Variants in PRMT8 observed in about 807,000 individuals in gnomAD.
PRMT8 encodes the protein protein arginine N-methyltransferase 8.
PRMT8 carries 7 observed loss-of-function variants against 47.1 expected under a neutral mutation model. The observed-to-expected ratio is 0.15, with a 90% CI of 0.08 to 0.28. The LOEUF is 0.28. PRMT8 is among the 10% of genes least tolerant of loss of function. PRMT8 has a pLI of 1.00. For synonymous variants in PRMT8, 188 were observed against 186.5 expected (o/e 1.01, Z -0.07); for missense variants, 237 against 505.4 (o/e 0.47, Z 5.09).
intron 1 of PRMT8, among the ~76,000 whole-genome samples, chr12:3,536,363 C>A (rs1404139452): frequency 6.6e-6 from 1 of 152,164 alleles, no homozygotes; most frequent in Non-Finnish European, 1.5e-5. Context: ...AAATGAATGC[C>A]CCCAAATCCA....
chr12:3,568,935 G>C, intron 5 of PRMT8, 87 bp downstream of exon 5: 1 of 1,549,896 alleles, frequency 6.5e-7, no homozygotes, highest in East Asian at 2.2e-5. Context: ...GGCATACGAA[G>C]ACTTCAGAGA....
Position 3,552,551 on chromosome 12 carries a change from A to G in PRMT8, c.418-1100A>G. 1 of 329,724 alleles carries G rather than the reference A, an allele frequency of 3.0e-6. No homozygotes were observed. The highest frequency in any genetic ancestry group is 6.1e-6 in the Non-Finnish European group (1 of 163,512). The allele number at this position is 329,724 out of a possible 1,614,324, so 20.4% of individuals were successfully genotyped here. On this transcript the variant is annotated intron_variant, in intron 3 of 9. Coordinates refer to ENST00000382622, the MANE Select transcript of PRMT8 (RefSeq NM_019854.5). This position sits in a 1 kb window ranked among gnomAD's most constrained non-coding sequence, Gnocchi z 4.5. The stretch of plus-strand genomic sequence containing the variant: ...ATGACATGGCCAGAGGGGGAGAAGA[A>G]GAGGAGGGAATCACACCCCACAGAC...
chr12:3,513,350 T>A (rs74057476), intron 1 of PRMT8, among the ~76,000 whole-genome samples: 1,961 of 152,258 alleles, frequency 0.013, 41 homozygotes, highest in African/African-American at 0.043. Context: ...AAATATACGA[T>A]GTACCTACTG....
rs145095213 is a variant in PRMT8 at position 3,553,562 on chromosome 12, G to C, written c.418-89G>C. Reference sequence around the variant, plus strand: ...CGTGGGCAAGTCACCACCCCTGTCTGGGCCTCAGCGTCTCTATCCATTGAA... The same window carrying C: ...CGTGGGCAAGTCACCACCCCTGTCTCGGCCTCAGCGTCTCTATCCATTGAA... On this transcript the variant is annotated intron_variant, in intron 3 of 9. Coordinates refer to ENST00000382622, the MANE Select transcript of PRMT8 (RefSeq NM_019854.5). The C allele has an allele frequency of 7.6e-4, 865 of 1,135,974 alleles. 1 individual carries two copies. The African/African-American group carries it at 0.012, about 16-fold the overall frequency. 70.4% of individuals were successfully genotyped at this position (1,135,974 alleles called of 1,614,324 possible).
intron 1 of PRMT8, among the ~76,000 whole-genome samples, chr12:3,403,083 A>C (rs529460876): frequency 3.3e-4 from 51 of 152,354 alleles, no homozygotes; most frequent in African/African-American, 1.2e-3. Flanking sequence ...CATCAGTGAT[A>C]GACTGGATAA....
Position 3,576,752 on chromosome 12 carries a change from T to C in PRMT8, c.713-119T>C, listed in dbSNP as rs542022437. The C allele has an allele frequency of 4.1e-6, 3 of 735,820 alleles. No homozygotes were observed. Among genetic ancestry groups the C allele is most frequent in the East Asian group, 4.9e-5 (2 of 40,452 alleles). 45.6% of individuals were successfully genotyped at this position (735,820 alleles called of 1,614,324 possible). On this transcript the variant is annotated intron_variant, in intron 6 of 9. Coordinates refer to ENST00000382622, the MANE Select transcript of PRMT8 (RefSeq NM_019854.5). This position sits in a 1 kb window ranked among gnomAD's most constrained non-coding sequence, Gnocchi z 4.0. ...GTGAGCAGTTCTGCCTCTATTTCGA[T>C]GCAAGGGAACTCGAGCTGCCACTCA... is the stretch of plus-strand genomic sequence containing the variant.
At chr12:3,558,168 C>T (rs1866560678) in intron 4 of PRMT8, among the ~76,000 whole-genome samples, 1 of 152,010 alleles carries the variant, frequency 6.6e-6, no homozygotes, top group Admixed American at 6.5e-5. Context: ...GTCCTGCTTG[C>T]CAGGAAAGGA....
chr12:3,479,617 T>C (rs1285958589), intron 1 of PRMT8, among the ~76,000 whole-genome samples: 1 of 152,224 alleles, frequency 6.6e-6, no homozygotes, highest in Non-Finnish European at 1.5e-5. Flanking sequence ...TAGCATCTCT[T>C]GGGAAGGCTT....
At chr12:3,523,333 T>G (rs1032675812) in intron 1 of PRMT8, among the ~76,000 whole-genome samples, 1 of 152,136 alleles carries the variant, frequency 6.6e-6, no homozygotes, top group Non-Finnish European at 1.5e-5. Context: ...CTATATTAAT[T>G]ACCATAAACA....
At chr12:3,448,576 G>A (rs1011964411) in intron 1 of PRMT8, among the ~76,000 whole-genome samples, 5 of 151,998 alleles carry the variant, frequency 3.3e-5, no homozygotes, top group Admixed American at 6.6e-5. Flanking sequence ...CATTGTAGAC[G>A]GTGAGCAGCA....
chr12:3,383,916 A>G (rs1864117175), intron 1 of PRMT8, among the ~76,000 whole-genome samples: 1 of 152,086 alleles, frequency 6.6e-6, no homozygotes, highest in East Asian at 1.9e-4. Context: ...TTGTGTGTTT[A>G]TTTTGTATCC....
intron 1 of PRMT8, among the ~76,000 whole-genome samples, chr12:3,408,101 T>A (rs1295653453): frequency 6.6e-6 from 1 of 152,040 alleles, no homozygotes; most frequent in Non-Finnish European, 1.5e-5. Flanking sequence ...GTTTTCTTTT[T>A]TATCTTTATT....
chr12:3,406,543 C>T (rs1459121809), intron 1 of PRMT8, among the ~76,000 whole-genome samples: 1 of 152,138 alleles, frequency 6.6e-6, no homozygotes, highest in Non-Finnish European at 1.5e-5. Context: ...GTCAGATACC[C>T]TAAATCATCT....
intron 1 of PRMT8, among the ~76,000 whole-genome samples, chr12:3,411,390 C>T (rs1864428325): frequency 6.6e-6 from 1 of 152,178 alleles, no homozygotes; most frequent in Admixed American, 6.5e-5. Flanking sequence ...CAGTTGCCTT[C>T]AAACAAATAT....
At position 3,576,857 on chromosome 12, in the gene PRMT8, C is replaced by G. The variant is rs1282665873; in HGVS notation, c.713-14C>G. Reference sequence around the variant, plus strand: ...GTCCTGCGCCTGCCTTCACGTCTTGCTCTGCTCCCACAGGGTGGGAGAATG... The same window carrying G: ...GTCCTGCGCCTGCCTTCACGTCTTGGTCTGCTCCCACAGGGTGGGAGAATG... On this transcript the variant is annotated splice_polypyrimidine_tract_variant and intron_variant, in intron 6 of 9. Coordinates refer to ENST00000382622, the MANE Select transcript of PRMT8 (RefSeq NM_019854.5). The surrounding 1 kb of genome is among the most constrained non-coding windows in gnomAD (Gnocchi z 4.0). The G allele has an allele frequency of 1.7e-5, 28 of 1,609,798 alleles. No individual in the cohort carries two copies. Among genetic ancestry groups the G allele is most frequent in the Non-Finnish European group, 2.4e-5 (28 of 1,176,256 alleles).
chr12:3,398,036 G>A (rs1170873886), intron 1 of PRMT8, among the ~76,000 whole-genome samples: 5 of 152,158 alleles, frequency 3.3e-5, no homozygotes, highest in African/African-American at 4.8e-5. Context: ...TGCGCTTCCC[G>A]AGGAGGCAAT....
At chr12:3,441,824 G>A (rs898985656) in intron 1 of PRMT8, among the ~76,000 whole-genome samples, 1 of 152,226 alleles carries the variant, frequency 6.6e-6, no homozygotes, top group Non-Finnish European at 1.5e-5. Context: ...AAACTACAAA[G>A]AGGACCTAAA....
At chr12:3,394,862 G>A (rs1236140362) in intron 1 of PRMT8, among the ~76,000 whole-genome samples, 2 of 151,174 alleles carry the variant, frequency 1.3e-5, no homozygotes, top group African/African-American at 2.4e-5. Context: ...TGGTTGGTAA[G>A]CTATTGATTA....
In PRMT8 at chr12:3,508,250, T is replaced by C. The variant is rs902488686; in HGVS notation, c.75+16550T>C. On this transcript the variant is annotated intron_variant, in intron 1 of 9. Coordinates refer to ENST00000382622, the MANE Select transcript of PRMT8 (RefSeq NM_019854.5). This position sits in a 1 kb window ranked among gnomAD's most constrained non-coding sequence, Gnocchi z 4.9. ...CCGAAAGTAGATATAAATGACCTAT[T>C]CCAGACAGACTGCAGGGTGTCGGGA... Among the ~76,000 whole-genome samples, 1 of 152,218 alleles carries C rather than the reference T, an allele frequency of 6.6e-6. No individual in the cohort carries two copies. Among genetic ancestry groups the C allele is most frequent in the African/African-American group, 2.4e-5 (1 of 41,452 alleles).
Sources: gnomAD v4.1 joint callset for allele counts (sites outside exome capture counted in the v4.1 genomes callset) on GRCh38, gnomAD v4.1.1 for gene constraint, Gnocchi (gnomAD v3.1) non-coding constraint, MANE v1.5 for transcripts, NCBI Gene and HGNC (gene_info 2026-07-23, HGNC 2026-07-21) for gene names.